Variants in IQCM observed in about 807,000 individuals in gnomAD.
IQCM encodes the protein IQ motif containing M.
IQCM carries 45 observed loss-of-function variants against 57.6 expected under a neutral mutation model. The ratio of observed to expected loss-of-function variants is 0.78; its 90% CI spans 0.62 to 1.00. The LOEUF is 1.00. Ranked by LOEUF, IQCM falls within the 50% of genes least tolerant of loss-of-function variation. The pLI is 0.00. For synonymous variants in IQCM, 148 were observed against 158.9 expected, an observed-to-expected ratio of 0.93 and a Z score of 0.51; for missense variants, 468 against 511.6, an observed-to-expected ratio of 0.91 and a Z score of 0.82.
chr4:149,669,413 C>G (rs531444823), intron 7 of IQCM, among the ~76,000 whole-genome samples: 140 of 152,202 alleles, frequency 9.2e-4, no homozygotes, highest in South Asian at 7.7e-3. Context: ...AAATTTTCTC[C>G]CGTTCTGTAG....
chr4:149,594,484 T>C (rs2150017561), intron 8 of IQCM, among the ~76,000 whole-genome samples: 1 of 152,338 alleles, frequency 6.6e-6, no homozygotes, highest in African/African-American at 2.4e-5. Flanking sequence ...TAGTTATTTC[T>C]TGCCTTCTGC....
intron 2 of IQCM, among the ~76,000 whole-genome samples, chr4:149,771,915 T>G (rs575230260): frequency 1.3e-5 from 2 of 152,254 alleles, no homozygotes; most frequent in African/African-American, 4.8e-5. Flanking sequence ...ATAATTCTAT[T>G]TTCTTTTAGT....
At chr4:149,737,305 G>T (rs1337697667) in intron 3 of IQCM, among the ~76,000 whole-genome samples, 2 of 152,144 alleles carry the variant, frequency 1.3e-5, no homozygotes, top group African/African-American at 4.8e-5. Context: ...GTACACCTAA[G>T]ATTTGTGCAT....
intron 13 of IQCM, among the ~76,000 whole-genome samples, chr4:149,376,772 T>C (rs376772300): frequency 6.6e-6 from 1 of 152,192 alleles, no homozygotes; most frequent in East Asian, 1.9e-4. Context: ...TTTCAGCTAT[T>C]AACTTTTATC....
chr4:149,550,293 C>T (rs953716141), intron 11 of IQCM, among the ~76,000 whole-genome samples: 3 of 152,202 alleles, frequency 2.0e-5, no homozygotes, highest in Non-Finnish European at 4.4e-5. Flanking sequence ...TCTTTTTTGA[C>T]TCCTTTCCCT....
chr4:149,484,160 C>T (rs764739553), intron 12 of IQCM, among the ~76,000 whole-genome samples: 1 of 151,928 alleles, frequency 6.6e-6, no homozygotes, highest in South Asian at 2.1e-4. Flanking sequence ...CTCTTTCCAT[C>T]CCTGAAATAC....
At chr4:149,592,767 A>G in intron 8 of IQCM, among the ~76,000 whole-genome samples, 1 of 152,134 alleles carries the variant, frequency 6.6e-6, no homozygotes, top group Non-Finnish European at 1.5e-5. Flanking sequence ...AGATGGTTGT[A>G]GATGGGTGGT....
At chr4:149,590,141 T>C (rs997727416) in intron 8 of IQCM, among the ~76,000 whole-genome samples, 7 of 151,990 alleles carry the variant, frequency 4.6e-5, no homozygotes, top group African/African-American at 1.7e-4. Context: ...TTTCTTTAGA[T>C]GTCCTCTGTG....
chr4:149,579,423 C>G (rs1195698201), intron 9 of IQCM, among the ~76,000 whole-genome samples: 1 of 151,830 alleles, frequency 6.6e-6, no homozygotes, highest in Non-Finnish European at 1.5e-5. Context: ...CCAACAGTAA[C>G]TGGTTATTTT....
chr4:149,750,947 T>C (rs1768380201), intron 2 of IQCM, among the ~76,000 whole-genome samples: 1 of 152,218 alleles, frequency 6.6e-6, no homozygotes. Context: ...TCATGAAATA[T>C]TGCAAAATTC....
At chr4:149,624,856 C>G (rs1483271047) in intron 7 of IQCM, among the ~76,000 whole-genome samples, 1 of 152,142 alleles carries the variant, frequency 6.6e-6, no homozygotes, top group Non-Finnish European at 1.5e-5. Flanking sequence ...GAAAATGTAT[C>G]TTTATTAGGA....
chr4:149,653,878 C>G (rs538907624), intron 7 of IQCM, among the ~76,000 whole-genome samples: 1 of 152,026 alleles, frequency 6.6e-6, no homozygotes, highest in Non-Finnish European at 1.5e-5. Flanking sequence ...TTCCTTTCTA[C>G]TCAATTGTAA....
chr4:149,770,014 AAAG>A (rs1770421179), intron 2 of IQCM, among the ~76,000 whole-genome samples: 1 of 152,038 alleles, frequency 6.6e-6, no homozygotes, highest in African/African-American at 2.4e-5. Flanking sequence ...AATCAACAAA[AAAG>A]AAAAAAAATA....
intron 2 of IQCM, among the ~76,000 whole-genome samples, chr4:149,812,712 T>C (rs543181947): frequency 6.6e-6 from 1 of 152,278 alleles, no homozygotes; most frequent in African/African-American, 2.4e-5. Context: ...ATTGACAGTG[T>C]ACTTTATTTC....
At chr4:149,551,007 C>T (rs535645253) in intron 11 of IQCM, among the ~76,000 whole-genome samples, 8 of 152,286 alleles carry the variant, frequency 5.3e-5, no homozygotes, top group South Asian at 2.1e-4. Context: ...GTGATGTCTG[C>T]GACACAAGTT....
intron 12 of IQCM, among the ~76,000 whole-genome samples, chr4:149,511,358 A>C (rs1744393876): frequency 6.6e-6 from 1 of 151,202 alleles, no homozygotes; most frequent in Middle Eastern, 3.2e-3. Flanking sequence ...ATGTCTACTA[A>C]CAATACAAAA....
At chr4:149,750,995 A>G (rs902043137) in intron 2 of IQCM, among the ~76,000 whole-genome samples, 2 of 152,306 alleles carry the variant, frequency 1.3e-5, no homozygotes, top group Non-Finnish European at 2.9e-5. Context: ...ATCTCTATAA[A>G]CTTGTAAAAA....
intron 12 of IQCM, among the ~76,000 whole-genome samples, chr4:149,522,483 C>A (rs563532217): frequency 6.6e-6 from 1 of 152,270 alleles, no homozygotes; most frequent in South Asian, 2.1e-4. Flanking sequence ...ACCAAAAAGA[C>A]TTTCTACAAC....
intron 13 of IQCM, among the ~76,000 whole-genome samples, chr4:149,419,368 C>T (rs1733969420): frequency 6.6e-6 from 1 of 152,088 alleles, no homozygotes. Context: ...CCTTGACAAA[C>T]TTCACAAAAA....
Sources: allele counts gnomAD v4.1 joint callset (sites outside exome capture counted in the v4.1 genomes callset), GRCh38; gene constraint gnomAD v4.1.1; transcripts MANE v1.5; gene names NCBI Gene and HGNC (gene_info 2026-07-23, HGNC 2026-07-21).